Variants in PCDH9 observed in about 807,000 individuals in gnomAD.
The protein encoded by PCDH9 is protocadherin-9.
In PCDH9, 24 loss-of-function variants were observed where a neutral mutation model predicts 70.6. The ratio of observed to expected loss-of-function variants is 0.34; its 90% CI spans 0.25 to 0.48. PCDH9 has a LOEUF of 0.48. Among genes scored for constraint, PCDH9 ranks in the 20% least tolerant of loss-of-function variants. The probability of loss-of-function intolerance (pLI) is 0.99; values close to 1 mark genes in which losing one functional copy is unlikely to be tolerated. For synonymous variants in PCDH9, 562 were observed against 558.5 expected, an observed-to-expected ratio of 1.01 and a Z score of -0.09; for missense variants, 1,281 against 1,503.6, an observed-to-expected ratio of 0.85 and a Z score of 2.45.
intron 4 of PCDH9, among the ~76,000 whole-genome samples, chr13:66,551,253 A>G (rs1273624075): frequency 6.6e-6 from 1 of 152,146 alleles, no homozygotes; most frequent in Non-Finnish European, 1.5e-5. Context: ...TCTCCACCAA[A>G]GGGAAGCTAG....
chr13:66,719,262 T>C (rs1479139929), intron 3 of PCDH9, among the ~76,000 whole-genome samples: 1 of 152,086 alleles, frequency 6.6e-6, no homozygotes, highest in African/African-American at 2.4e-5. Context: ...TTTTTTCAAA[T>C]ACTAATATAA....
At chr13:67,065,297 T>C (rs1484758118) in intron 2 of PCDH9, among the ~76,000 whole-genome samples, 1 of 152,176 alleles carries the variant, frequency 6.6e-6, no homozygotes, top group East Asian at 1.9e-4. Flanking sequence ...CTTTGGTCAT[T>C]TGCCAAAGAA....
At chr13:66,689,071 C>G (rs556613386) in intron 3 of PCDH9, among the ~76,000 whole-genome samples, 2 of 152,202 alleles carry the variant, frequency 1.3e-5, no homozygotes, top group Non-Finnish European at 2.9e-5. Context: ...TATGCCATAT[C>G]AAGGAAACAC....
At chr13:66,942,612 T>C (rs2083024542) in intron 2 of PCDH9, among the ~76,000 whole-genome samples, 1 of 152,028 alleles carries the variant, frequency 6.6e-6, no homozygotes. Context: ...CTCTGTAAAA[T>C]ACTTAGAGGT....
chr13:66,629,911 T>G (rs949357325), intron 4 of PCDH9, among the ~76,000 whole-genome samples: 2 of 152,178 alleles, frequency 1.3e-5, no homozygotes, highest in Admixed American at 6.5e-5. Context: ...ATGCTGGAAG[T>G]CAGAGAACAC....
At chr13:66,708,135 C>T (rs1593928155) in intron 3 of PCDH9, among the ~76,000 whole-genome samples, 2 of 151,362 alleles carry the variant, frequency 1.3e-5, no homozygotes, top group African/African-American at 4.8e-5. Flanking sequence ...CTGCAAGCTC[C>T]GCCTCCCGGG....
At chr13:66,397,724 G>A (rs1458361735) in intron 4 of PCDH9, among the ~76,000 whole-genome samples, 2 of 151,420 alleles carry the variant, frequency 1.3e-5, no homozygotes, top group East Asian at 3.9e-4. Context: ...TATCATTGGT[G>A]TGTCAAACTG....
chr13:66,386,120 C>A (rs764275562), intron 4 of PCDH9, among the ~76,000 whole-genome samples: 1 of 151,984 alleles, frequency 6.6e-6, no homozygotes, highest in Non-Finnish European at 1.5e-5. Flanking sequence ...AGTGATGTTG[C>A]ATATTATCCG....
At chr13:66,759,013 T>A (rs1331897111) in intron 3 of PCDH9, among the ~76,000 whole-genome samples, 1 of 152,044 alleles carries the variant, frequency 6.6e-6, no homozygotes, top group Admixed American at 6.6e-5. Context: ...AATCATCTTT[T>A]TTTTCTTAGT....
At chr13:66,613,739 T>C (rs941644240) in intron 4 of PCDH9, among the ~76,000 whole-genome samples, 5 of 141,636 alleles carry the variant, frequency 3.5e-5, no homozygotes, top group African/African-American at 1.3e-4. Flanking sequence ...GTGTGTACTG[T>C]GTGCGATGTC....
intron 4 of PCDH9, among the ~76,000 whole-genome samples, chr13:66,580,673 A>C (rs2076879079): frequency 6.6e-6 from 1 of 151,924 alleles, no homozygotes; most frequent in Non-Finnish European, 1.5e-5. Context: ...CCCACACTGT[A>C]CAGCTTAGCA....
At chr13:66,769,819 T>C (rs1345991206) in intron 3 of PCDH9, among the ~76,000 whole-genome samples, 2 of 152,206 alleles carry the variant, frequency 1.3e-5, no homozygotes, top group Non-Finnish European at 2.9e-5. Context: ...ATTTTTACAG[T>C]TGTGGGATCT....
intron 3 of PCDH9, among the ~76,000 whole-genome samples, chr13:66,654,592 T>G (rs2077901378): frequency 6.6e-6 from 1 of 152,148 alleles, no homozygotes; most frequent in Non-Finnish European, 1.5e-5. Flanking sequence ...TATAAATATG[T>G]GCACCTACTG....
At chr13:66,844,840 T>C (rs369729212) in intron 3 of PCDH9, among the ~76,000 whole-genome samples, 1 of 152,132 alleles carries the variant, frequency 6.6e-6, no homozygotes, top group Non-Finnish European at 1.5e-5. Context: ...AGCACGTTCA[T>C]ACTCTCTAGG....
At chr13:66,724,270 T>C (rs558572079) in intron 3 of PCDH9, among the ~76,000 whole-genome samples, 1 of 152,308 alleles carries the variant, frequency 6.6e-6, no homozygotes, top group East Asian at 1.9e-4. Context: ...AAGTGAGCTG[T>C]GTCCTTGAAG....
chr13:66,849,486 G>GTATATATATA (rs144181181), intron 3 of PCDH9, among the ~76,000 whole-genome samples: 8 of 90,260 alleles, frequency 8.9e-5, no homozygotes, highest in East Asian at 8.4e-4. Flanking sequence ...TCATAGGTAG[G>GTATATATATA]TATATATATA....
intron 2 of PCDH9, among the ~76,000 whole-genome samples, chr13:66,908,241 T>C (rs1029974061): frequency 1.3e-5 from 2 of 152,194 alleles, no homozygotes; most frequent in African/African-American, 4.8e-5. Context: ...TCTTATCTAA[T>C]GCAACACAAC....
intron 4 of PCDH9, among the ~76,000 whole-genome samples, chr13:66,475,208 A>G (rs1052676444): frequency 1.3e-5 from 2 of 152,222 alleles, no homozygotes; most frequent in South Asian, 4.1e-4. Flanking sequence ...CTATCTAGAT[A>G]CAAGATTAGC....
chr13:66,754,672 TCAA>T (rs147879247), intron 3 of PCDH9, among the ~76,000 whole-genome samples: 2,210 of 152,182 alleles, frequency 0.015, 62 homozygotes, highest in African/African-American at 0.05. Context: ...AGTAAATATG[TCAA>T]CAAGATGAAA....
Sources: allele counts gnomAD v4.1 joint callset (sites outside exome capture counted in the v4.1 genomes callset), GRCh38; gene constraint gnomAD v4.1.1; transcripts MANE v1.5; gene names NCBI Gene and HGNC (gene_info 2026-07-23, HGNC 2026-07-21).